The following GPC6 variants were observed in gnomAD, a reference collection of about 807,000 sequenced individuals.
GPC6 encodes the protein glypican 6.
A neutral mutation model predicts 55.2 loss-of-function variants in GPC6; 14 were observed. The observed-to-expected ratio is 0.25, with a 90% CI of 0.17 to 0.40. The LOEUF is 0.40. Among genes scored for constraint, GPC6 ranks in the 10% least tolerant of loss-of-function variants. The pLI is 1.00. For missense variants in GPC6, 641 were observed against 708.5 expected, an observed-to-expected ratio of 0.90 and a Z score of 1.08; for synonymous variants, 278 against 259.6, an observed-to-expected ratio of 1.07 and a Z score of -0.68.
chr13:93,759,443 G>A (rs930577198), intron 2 of GPC6, among the ~76,000 whole-genome samples: 4 of 152,108 alleles, frequency 2.6e-5, no homozygotes, highest in South Asian at 2.1e-4. Flanking sequence ...ACTCTCAGTC[G>A]ATATGACAAG....
At chr13:93,366,543 C>G (rs184093142) in intron 1 of GPC6, among the ~76,000 whole-genome samples, 101 of 152,110 alleles carry the variant, frequency 6.6e-4, no homozygotes, top group Admixed American at 1.1e-3. Context: ...AATGAGCCAC[C>G]CACATTCCTC....
At chr13:94,137,151 A>G (rs1216567056) in intron 4 of GPC6, among the ~76,000 whole-genome samples, 3 of 152,232 alleles carry the variant, frequency 2.0e-5, no homozygotes, top group Non-Finnish European at 4.4e-5. Flanking sequence ...TTGATTTTAG[A>G]TCGCTTGTAC....
chr13:93,439,216 A>G (rs1355248653), intron 1 of GPC6, among the ~76,000 whole-genome samples: 1 of 152,108 alleles, frequency 6.6e-6, no homozygotes, highest in African/African-American at 2.4e-5. Flanking sequence ...CTAGAACTGA[A>G]CCTACAATAT....
chr13:94,188,526 G>GA, intron 4 of GPC6, among the ~76,000 whole-genome samples: 1 of 152,086 alleles, frequency 6.6e-6, no homozygotes, highest in Non-Finnish European at 1.5e-5. Flanking sequence ...GTTGAATAAA[G>GA]AAAAAAAGAA....
At chr13:93,778,864 G>A (rs1215007724) in intron 2 of GPC6, among the ~76,000 whole-genome samples, 1 of 152,156 alleles carries the variant, frequency 6.6e-6, no homozygotes, top group African/African-American at 2.4e-5. Flanking sequence ...CATTTGCCTT[G>A]ATGGCCAATG....
chr13:93,671,561 C>T (rs1160099750), intron 2 of GPC6, among the ~76,000 whole-genome samples: 2 of 152,052 alleles, frequency 1.3e-5, no homozygotes, highest in African/African-American at 4.8e-5. Flanking sequence ...TCCAGTGTCA[C>T]CACCAGGAAG....
chr13:93,254,916 A>G (rs993038299), intron 1 of GPC6, among the ~76,000 whole-genome samples: 2 of 152,252 alleles, frequency 1.3e-5, no homozygotes, highest in Admixed American at 6.5e-5. Context: ...TTCTGAGAAA[A>G]AAAATCAAAT....
At chr13:94,303,367 G>A (rs1199165095) in intron 5 of GPC6, among the ~76,000 whole-genome samples, 1 of 152,188 alleles carries the variant, frequency 6.6e-6, no homozygotes, top group Non-Finnish European at 1.5e-5. Context: ...TGTGAGCTAA[G>A]TTGCAAGCCT....
At chr13:93,777,888 C>A (rs920946260) in intron 2 of GPC6, among the ~76,000 whole-genome samples, 1 of 152,146 alleles carries the variant, frequency 6.6e-6, no homozygotes, top group Admixed American at 6.6e-5. Context: ...ATATTAAAAG[C>A]TACTTTCTAC....
intron 6 of GPC6, among the ~76,000 whole-genome samples, chr13:94,358,117 C>T (rs1353288804): frequency 6.6e-6 from 1 of 151,788 alleles, no homozygotes. Flanking sequence ...TGGTGAAACC[C>T]CATCTCTACT....
chr13:94,364,702 A>C (rs560569276), intron 6 of GPC6, among the ~76,000 whole-genome samples: 1 of 152,186 alleles, frequency 6.6e-6, no homozygotes, highest in South Asian at 2.1e-4. Context: ...TATGCCCAGG[A>C]CCTTAAAAAG....
chr13:93,753,784 T>A (rs1884680034), intron 2 of GPC6, among the ~76,000 whole-genome samples: 1 of 152,026 alleles, frequency 6.6e-6, no homozygotes, highest in Non-Finnish European at 1.5e-5. Flanking sequence ...TCTGTCTTAT[T>A]TATTTATTTG....
intron 2 of GPC6, among the ~76,000 whole-genome samples, 160 bp downstream of exon 2, chr13:93,545,581 A>G (rs1040251444): frequency 2.0e-5 from 3 of 149,058 alleles, no homozygotes; most frequent in African/African-American, 7.8e-5. Flanking sequence ...TTTTCTTGAC[A>G]GTAATTTTTT....
chr13:93,623,322 C>A (rs182467853), intron 2 of GPC6, among the ~76,000 whole-genome samples: 1 of 152,174 alleles, frequency 6.6e-6, no homozygotes, highest in African/African-American at 2.4e-5. Context: ...ATGGTTATTT[C>A]ACTTTTTAAA....
intron 4 of GPC6, among the ~76,000 whole-genome samples, chr13:94,252,615 A>C (rs9524387): frequency 0.36 from 54,189 of 151,598 alleles, 10,518 homozygotes; most frequent in East Asian, 0.53. Context: ...ACCACCACCA[A>C]CAACAACAAA....
intron 2 of GPC6, among the ~76,000 whole-genome samples, chr13:93,679,614 T>C (rs944730516): frequency 2.0e-5 from 3 of 152,160 alleles, no homozygotes; most frequent in African/African-American, 7.2e-5. Context: ...ATGGCACTTA[T>C]GTGCAGCCAT....
At chr13:93,320,617 G>A (rs1001835279) in intron 1 of GPC6, among the ~76,000 whole-genome samples, 1 of 151,350 alleles carries the variant, frequency 6.6e-6, no homozygotes, top group Non-Finnish European at 1.5e-5. Context: ...ATTTCTTCTG[G>A]AAAGTAGTGT....
chr13:94,151,031 C>T (rs771295335), intron 4 of GPC6, among the ~76,000 whole-genome samples: 2 of 151,740 alleles, frequency 1.3e-5, no homozygotes, highest in Admixed American at 1.3e-4. Context: ...CTTATGATAG[C>T]TCATTTTATA....
chr13:93,693,028 GAAA>G (rs71659984), intron 2 of GPC6, among the ~76,000 whole-genome samples: 5,468 of 151,502 alleles, frequency 0.036, 295 homozygotes, highest in East Asian at 0.27. Flanking sequence ...AAGTAGATTT[GAAA>G]AAAAATAATA....
Sources: gnomAD v4.1 joint callset for allele counts (sites outside exome capture counted in the v4.1 genomes callset) on GRCh38, gnomAD v4.1.1 for gene constraint, MANE v1.5 for transcripts, NCBI Gene and HGNC (gene_info 2026-07-23, HGNC 2026-07-21) for gene names.